OR7E24: variants seen among roughly 807,000 people sequenced by gnomAD.
OR7E24 encodes olfactory receptor 7E24.
For missense variants in OR7E24, 385 were observed against 410.3 expected (o/e 0.94, Z 0.53); for synonymous variants, 130 against 157.5 (o/e 0.83, Z 1.31).
chr19:9,248,929 T>G (rs1408332708), upstream of OR7E24, among the ~76,000 whole-genome samples: 2 of 152,168 alleles, frequency 1.3e-5, no homozygotes, highest in Non-Finnish European at 2.9e-5. Context: ...ATGCCCCTGA[T>G]CTGTGTGACA....
At chr19:9,244,041 G>T (rs935724293), upstream of OR7E24, among the ~76,000 whole-genome samples, 35 of 152,188 alleles carry the variant, frequency 2.3e-4, no homozygotes, top group African/African-American at 8.0e-4. Context: ...TGACCACTGT[G>T]TTGGGATTCA....
chr19:9,227,622 T>G, the OR7E24 span, among the ~76,000 whole-genome samples: 1 of 152,218 alleles, frequency 6.6e-6, no homozygotes, highest in African/African-American at 2.4e-5. Flanking sequence ...TTTAGGTTGG[T>G]TCTATACCTT....
chr19:9,219,535 A>G, the OR7E24 span: 20 of 151,948 alleles, frequency 1.3e-4, no homozygotes, highest in African/African-American at 4.8e-4. Flanking sequence ...GGTCACACTA[A>G]CTCTGATGGT....
At chr19:9,234,527 G>A in the OR7E24 span, among the ~76,000 whole-genome samples, 1 of 152,184 alleles carries the variant, frequency 6.6e-6, no homozygotes. Flanking sequence ...CATTACTATA[G>A]TTAACAACAT....
chr19:9,232,760 C>T, the OR7E24 span, among the ~76,000 whole-genome samples: 5 of 152,100 alleles, frequency 3.3e-5, no homozygotes, highest in African/African-American at 9.7e-5. Flanking sequence ...AAACCCAATC[C>T]TTGTTTGTCT....
the OR7E24 span, chr19:9,235,771 C>T: frequency 3.7e-6 from 6 of 1,609,960 alleles, no homozygotes; most frequent in South Asian, 2.2e-5. Context: ...GGGTGTGTTT[C>T]CTGTAGCTGG....
chr19:9,213,869 G>T, the OR7E24 span: 1 of 1,510,780 alleles, frequency 6.6e-7, no homozygotes, highest in East Asian at 2.3e-5. Context: ...GGTACGCAGT[G>T]TGTCCTCTTA....
At chr19:9,211,168 G>A in the OR7E24 span, 1 of 152,314 alleles carries the variant, frequency 6.6e-6, no homozygotes, top group South Asian at 2.1e-4. Flanking sequence ...GCTGCCCCAT[G>A]AGAGTCCCTT....
the OR7E24 span, chr19:9,214,413 C>G: frequency 1.5e-5 from 25 of 1,613,986 alleles, no homozygotes; most frequent in African/African-American, 1.7e-4. Context: ...AACCAGGAGG[C>G]CACAGAGGCA....
chr19:9,235,489 G>T, the OR7E24 span: 2 of 1,589,454 alleles, frequency 1.3e-6, no homozygotes, highest in African/African-American at 1.3e-5. Context: ...TTTCCTACTG[G>T]CTGTGATAGC....
the OR7E24 span, among the ~76,000 whole-genome samples, chr19:9,237,821 G>C: frequency 6.6e-6 from 1 of 152,208 alleles, no homozygotes; most frequent in Non-Finnish European, 1.5e-5. Context: ...ATCAGTTGGG[G>C]AAGATAACTA....
At chr19:9,241,662 A>G in the OR7E24 span, among the ~76,000 whole-genome samples, 30,411 of 151,934 alleles carry the variant, frequency 0.2, 5,019 homozygotes, top group African/African-American at 0.45. Flanking sequence ...TACTTGGGAG[A>G]CTGAGGCAGG....
chr19:9,250,910 T>C (rs2066143403), upstream of OR7E24: 5 of 653,634 alleles, frequency 7.6e-6, no homozygotes, highest in South Asian at 1.0e-4. Flanking sequence ...AAATCAATTA[T>C]GAAGTAACTC....
upstream of OR7E24, chr19:9,247,429 G>A (rs539722980): frequency 1.5e-5 from 6 of 398,446 alleles, no homozygotes; most frequent in South Asian, 1.3e-4. Context: ...TCCTGAGGAC[G>A]GAGCCTGAGC....
chr19:9,232,359 G>A, the OR7E24 span, among the ~76,000 whole-genome samples: 1 of 152,056 alleles, frequency 6.6e-6, no homozygotes, highest in East Asian at 1.9e-4. Flanking sequence ...CCAACATGGT[G>A]AAACCCCGTG....
upstream of OR7E24, among the ~76,000 whole-genome samples, chr19:9,244,383 A>G (rs748371424): frequency 6.6e-6 from 1 of 152,262 alleles, no homozygotes; most frequent in Non-Finnish European, 1.5e-5. Context: ...AAGAGAGCCC[A>G]GAAAGAAACT....
At chr19:9,235,098 A>G in the OR7E24 span, 1 of 697,436 alleles carries the variant, frequency 1.4e-6, no homozygotes, top group South Asian at 1.8e-5. Flanking sequence ...TTGAAGAGTG[A>G]TTGAATGTTG....
At chr19:9,250,851 A>C, upstream of OR7E24, 1 of 514,938 alleles carries the variant, frequency 1.9e-6, no homozygotes, top group Non-Finnish European at 3.4e-6. Context: ...AACATTCTTC[A>C]ATAGACTGTC....
the OR7E24 span, among the ~76,000 whole-genome samples, chr19:9,225,373 A>AG: frequency 1.7e-5 from 1 of 57,342 alleles, no homozygotes; most frequent in Non-Finnish European, 2.7e-5. Flanking sequence ...TCAAGAAGGA[A>AG]AGAAGGAAGG....
Sources: allele counts gnomAD v4.1 joint callset (sites outside exome capture counted in the v4.1 genomes callset), GRCh38; gene constraint gnomAD v4.1.1; transcripts MANE v1.5; gene names NCBI Gene and HGNC (gene_info 2026-07-23, HGNC 2026-07-21).